The following PCDHGA9 variants were observed in gnomAD, a reference collection of about 807,000 sequenced individuals.
PCDHGA9 encodes protocadherin gamma-A9.
Under a neutral mutation model 62.5 loss-of-function variants are expected in PCDHGA9, and 37 were observed. The ratio of observed to expected loss-of-function variants is 0.59; its 90% CI spans 0.46 to 0.78. PCDHGA9 has a LOEUF of 0.78. Among genes scored for constraint, PCDHGA9 ranks in the 30% least tolerant of loss-of-function variants. PCDHGA9 has a pLI of 0.00. For synonymous variants in PCDHGA9, 459 were observed against 484.6 expected, an observed-to-expected ratio of 0.95 and a Z score of 0.69; for missense variants, 1,138 against 1,166.2, an observed-to-expected ratio of 0.98 and a Z score of 0.35.
chr5:141,501,314 C>G, intron 2 of PCDHGA9, among the ~76,000 whole-genome samples: 1 of 151,728 alleles, frequency 6.6e-6, no homozygotes, highest in Non-Finnish European at 1.5e-5. Flanking sequence ...CACACACACA[C>G]ACACACACAC....
chr5:141,494,927 G>A, intron 2 of PCDHGA9, 62 bp downstream of exon 2: 1 of 1,613,516 alleles, frequency 6.2e-7, no homozygotes, highest in Non-Finnish European at 8.5e-7. Flanking sequence ...GATGACGTGG[G>A]AGGAGATGGG....
chr5:141,457,632 G>T (rs919693977), intron 1 of PCDHGA9, among the ~76,000 whole-genome samples: 1 of 152,142 alleles, frequency 6.6e-6, no homozygotes, highest in Non-Finnish European at 1.5e-5. Context: ...CTTATACTTG[G>T]CCTGATTATT....
In PCDHGA9 at chr5:141,511,618, T is replaced by C. The variant is rs1227028784; in HGVS notation, c.*445T>C. 4.3e-6 allele frequency: 1 copy of C among 232,232 alleles called. No homozygotes were observed. Among genetic ancestry groups the C allele is most frequent in the East Asian group, 9.9e-5 (1 of 10,122 alleles). 14.4% of individuals were successfully genotyped at this position (232,232 alleles called of 1,614,324 possible). A position where few individuals can be genotyped will look rare whatever the true frequency, so the allele number is the denominator to read the frequency against. ...AAGTAACCTACAAGCCTCCTAGTTCTGAAAAGTTGGAAGGGCATCATGACC... is the reference window on the plus strand; with the variant it reads ...AAGTAACCTACAAGCCTCCTAGTTCCGAAAAGTTGGAAGGGCATCATGACC... On this transcript the variant is annotated 3_prime_UTR_variant, in exon 4 of 4. Transcript: ENST00000573521.
intron 1 of PCDHGA9, chr5:141,478,841 A>G (rs1335486924): frequency 1.4e-5 from 19 of 1,405,590 alleles, no homozygotes; most frequent in Non-Finnish European, 1.8e-5. Flanking sequence ...GGGATGGTTA[A>G]GCTAAAACAC....
At position 141,487,493 on chromosome 5, in the gene PCDHGA9, C is replaced by A. The variant is rs1372433097; in HGVS notation, c.2425-7314C>A. 5.6e-6 allele frequency: 9 copies of A among 1,614,050 alleles called. No individual in the cohort carries two copies. The highest frequency in any genetic ancestry group is 6.8e-6 in the Non-Finnish European group (8 of 1,180,034). On this transcript the variant is annotated intron_variant, in intron 1 of 3. Coordinates refer to ENST00000573521, the MANE Select transcript of PCDHGA9 (RefSeq NM_018921.3). This position sits in a 1 kb window ranked among gnomAD's most constrained non-coding sequence, Gnocchi z 5.0. ...GGGAGGCCACTCTCATGGCTGTACACCCTTGGCTTCTGCACCCACTCGGAG... is the reference window on the plus strand; with the variant it reads ...GGGAGGCCACTCTCATGGCTGTACAACCTTGGCTTCTGCACCCACTCGGAG...
intron 1 of PCDHGA9, among the ~76,000 whole-genome samples, chr5:141,457,029 C>G (rs2098904194): frequency 6.6e-6 from 1 of 152,170 alleles, no homozygotes; most frequent in Non-Finnish European, 1.5e-5. Flanking sequence ...TCCTAGTAGA[C>G]TCAGTGATAG....
intron 3 of PCDHGA9, among the ~76,000 whole-genome samples, chr5:141,509,596 G>A (rs538867815): frequency 1.3e-5 from 2 of 152,258 alleles, no homozygotes; most frequent in Admixed American, 6.5e-5. Context: ...TGGCAATTCC[G>A]AGAGGCTGCA....
intron 2 of PCDHGA9, among the ~76,000 whole-genome samples, chr5:141,496,206 A>C (rs2099766963): frequency 6.6e-6 from 1 of 152,126 alleles, no homozygotes; most frequent in South Asian, 2.1e-4. Context: ...TCAATCTGGT[A>C]TGAATTCCTG....
At position 141,404,205 on chromosome 5, in the gene PCDHGA9, A is replaced by G; in HGVS notation, c.1253A>G (p.Tyr418Cys). The change falls in exon 1 of 4, where the codon TAT becomes TGT. Residue 418 changes from tyrosine (Y) to cysteine (C), a missense_variant. Physicochemically the swap from Tyr to Cys is radical, Grantham distance 194. Transcript: ENST00000573521. ...QILDREKASEYNITVTATDRG... is the reference protein window; with the variant it reads ...QILDREKASECNITVTATDRG... ...CTTGACCGAGAAAAAGCCTCAGAATATAATATCACGGTGACTGCAACAGAC... is the reference window on the plus strand; with the variant it reads ...CTTGACCGAGAAAAAGCCTCAGAATGTAATATCACGGTGACTGCAACAGAC... 3 of 1,613,770 alleles carry G rather than the reference A, an allele frequency of 1.9e-6. No homozygotes were observed. The highest frequency in any genetic ancestry group is 1.7e-6 in the Non-Finnish European group (2 of 1,179,772).
intron 1 of PCDHGA9, among the ~76,000 whole-genome samples, chr5:141,482,755 T>TGAAGTGGGAGAATTGCTTGAGCCTGGG (rs1554165462): frequency 6.3e-5 from 9 of 143,570 alleles, no homozygotes; most frequent in African/African-American, 1.4e-4. Context: ...GGGATTATGG[T>TGAAGTGGGAGAATTGCTTGAGCCTGGG]ATTTCATTAT....
At position 141,476,903 on chromosome 5, in the gene PCDHGA9, G is replaced by C; in HGVS notation, c.2425-17904G>C. On this transcript the variant is annotated intron_variant, in intron 1 of 3. Transcript: ENST00000573521. The surrounding 1 kb of genome is among the most constrained non-coding windows in gnomAD (Gnocchi z 7.6). Reference sequence around the variant, plus strand: ...GGAGGATGCACCCTCCGGCACGCGCGTGGTACAAGTCCTTGCAACGGATCT... The same window carrying C: ...GGAGGATGCACCCTCCGGCACGCGCCTGGTACAAGTCCTTGCAACGGATCT... The C allele has an allele frequency of 1.2e-6, 2 of 1,614,018 alleles. No individual in the cohort carries two copies. Among genetic ancestry groups the C allele is most frequent in the Non-Finnish European group, 1.7e-6 (2 of 1,180,044 alleles).
intron 1 of PCDHGA9, among the ~76,000 whole-genome samples, chr5:141,462,086 A>C (rs993185274): frequency 6.6e-6 from 1 of 151,410 alleles, no homozygotes; most frequent in Non-Finnish European, 1.5e-5. Flanking sequence ...GCCTCCCAAA[A>C]TGCTGGGATT....
intron 1 of PCDHGA9, chr5:141,412,426 A>G (rs1051574976): frequency 2.6e-5 from 4 of 152,234 alleles, no homozygotes; most frequent in African/African-American, 9.6e-5. Context: ...GTTTTACACA[A>G]AAAGGTTAAT....
intron 1 of PCDHGA9, chr5:141,417,545 T>C: frequency 3.2e-6 from 1 of 312,052 alleles, no homozygotes; most frequent in East Asian, 5.5e-5. Context: ...AAAAAATTCC[T>C]TGAAAGAGGT....
Position 141,491,306 on chromosome 5 carries a change from A to G in PCDHGA9, c.2425-3501A>G. ...CTCATACACCCTCCTGAGCGTTCAGACCTTACCCTTTACCTCATTGTGGCT... is the reference window on the plus strand; with the variant it reads ...CTCATACACCCTCCTGAGCGTTCAGGCCTTACCCTTTACCTCATTGTGGCT... On this transcript the variant is annotated intron_variant, in intron 1 of 3. Coordinates refer to ENST00000573521, the MANE Select transcript of PCDHGA9 (RefSeq NM_018921.3). This position sits in a 1 kb window ranked among gnomAD's most constrained non-coding sequence, Gnocchi z 6.9. 1 of 1,614,032 alleles carries G rather than the reference A, an allele frequency of 6.2e-7. No individual in the cohort carries two copies. The highest frequency in any genetic ancestry group is 2.2e-5 in the East Asian group (1 of 44,872).
In PCDHGA9 at chr5:141,431,553, A is replaced by G; in HGVS notation, c.2424+26177A>G. ...TTGGGCACGCAGCTGCTTGTAGTCA[A>G]CGCTACCGACCCTGACGAAGGAGTC... On this transcript the variant is annotated intron_variant, in intron 1 of 3. Transcript: ENST00000573521. The surrounding 1 kb of genome is among the most constrained non-coding windows in gnomAD (Gnocchi z 4.8). 1.2e-6 allele frequency: 2 copies of G among 1,614,112 alleles called. No individual in the cohort carries two copies. Among genetic ancestry groups the G allele is most frequent in the Non-Finnish European group, 1.7e-6 (2 of 1,180,020 alleles).
At chr5:141,438,649 CACATATATGTAT>C (rs1346265042) in intron 1 of PCDHGA9, among the ~76,000 whole-genome samples, 20 of 100,970 alleles carry the variant, frequency 2.0e-4, no homozygotes, top group Admixed American at 2.1e-4. Flanking sequence ...CACACACACA[CACATATATGTAT>C]ATATATATTT....
At chr5:141,474,117 A>C (rs748431734) in intron 1 of PCDHGA9, among the ~76,000 whole-genome samples, 11 of 152,186 alleles carry the variant, frequency 7.2e-5, no homozygotes, top group Non-Finnish European at 1.2e-4. Context: ...ACAACAACGA[A>C]AATCTCAGAA....
chr5:141,446,759 G>A (rs983129633), intron 1 of PCDHGA9, among the ~76,000 whole-genome samples: 5 of 152,026 alleles, frequency 3.3e-5, no homozygotes, highest in Admixed American at 1.3e-4. Flanking sequence ...GAGCCACCGC[G>A]CCCAGCCGGT....
Sources: allele counts gnomAD v4.1 joint callset (sites outside exome capture counted in the v4.1 genomes callset), GRCh38; gene constraint gnomAD v4.1.1; non-coding constraint Gnocchi (gnomAD v3.1); transcripts MANE v1.5; gene names NCBI Gene and HGNC (gene_info 2026-07-23, HGNC 2026-07-21).